The following GOSR2 variants were observed in gnomAD, a reference collection of about 807,000 sequenced individuals.
GOSR2 encodes the protein golgi SNAP receptor complex member 2, also known as 27 kDa Golgi SNARE protein.
In GOSR2, 20 loss-of-function variants were observed where a neutral mutation model predicts 27.9. That is an observed-to-expected ratio of 0.72 (90% confidence interval 0.50 to 1.04). The LOEUF is 1.04. Among genes scored for constraint, GOSR2 ranks in the 50% least tolerant of loss-of-function variants. The pLI is 0.00. For synonymous variants in GOSR2, 91 were observed against 98.8 expected (o/e 0.92, Z 0.47); for missense variants, 261 against 270.5 (o/e 0.97, Z 0.25).
chr17:46,935,243 A>C, intron 5 of GOSR2, 74 bp downstream of exon 5: 3 of 1,609,650 alleles, frequency 1.9e-6, no homozygotes, highest in Non-Finnish European at 2.5e-6. Context: ...AACTGTGTTT[A>C]TATTTTGATT....
At position 46,941,290 on chromosome 17, in the gene GOSR2, G is replaced by A. The variant is rs1311949629; in HGVS notation, c.*2530G>A. 5 of 985,602 alleles carry A rather than the reference G, an allele frequency of 5.1e-6. No individual in the cohort carries two copies. Among genetic ancestry groups the A allele is most frequent in the African/African-American group, 1.7e-5 (1 of 57,220 alleles). The allele number at this position is 985,602 out of a possible 1,614,324, so 61.1% of individuals were successfully genotyped here. On this transcript the variant is annotated 3_prime_UTR_variant, in exon 6 of 6. Transcript: ENST00000640051. The stretch of plus-strand genomic sequence containing the variant: ...TGATGAATTTGAATGGGTTTGATTT[G>A]CAAATTTGGATTTACACCCATTGTT...
In GOSR2 at chr17:46,923,232, G is replaced by A. The variant is rs2085954773; in HGVS notation, c.29+11G>A. 1 of 1,551,024 alleles carries A rather than the reference G, an allele frequency of 6.4e-7. No homozygotes were observed. Among genetic ancestry groups the A allele is most frequent in the Non-Finnish European group, 8.7e-7 (1 of 1,146,598 alleles). ...CCAGCAAACGCACAAGTGAGGGCCG[G>A]TCGGGGAGCGGGCAGGGGCTAGACG... On this transcript the variant is annotated intron_variant, in intron 1 of 5. Transcript: ENST00000640051.
chr17:46,928,708 T>G (rs1403552856), intron 1 of GOSR2, among the ~76,000 whole-genome samples: 1 of 152,150 alleles, frequency 6.6e-6, no homozygotes, highest in African/African-American at 2.4e-5. Flanking sequence ...TCTGAATGGT[T>G]TCCTCCAGTG....
At chr17:46,945,907 A>G (rs964231213), downstream of GOSR2, among the ~76,000 whole-genome samples, 3 of 152,168 alleles carry the variant, frequency 2.0e-5, no homozygotes, top group South Asian at 2.1e-4. Flanking sequence ...TATTGTTGCT[A>G]TGTGCATGGA....
At chr17:46,965,422 C>G (rs2091271735) in intron 6 of GOSR2, among the ~76,000 whole-genome samples, 1 of 152,200 alleles carries the variant, frequency 6.6e-6, no homozygotes, top group African/African-American at 2.4e-5. Flanking sequence ...CACCCCAGGG[C>G]TCCTGCTTCC....
At chr17:46,928,635 G>A (rs903413295) in intron 1 of GOSR2, among the ~76,000 whole-genome samples, 11 of 152,098 alleles carry the variant, frequency 7.2e-5, no homozygotes, top group African/African-American at 9.7e-5. Flanking sequence ...CAGTTCCTTC[G>A]TTCCTTGATA....
intron 6 of GOSR2, among the ~76,000 whole-genome samples, chr17:46,974,535 G>A (rs553479927): frequency 6.6e-6 from 1 of 152,088 alleles, no homozygotes; most frequent in African/African-American, 2.4e-5. Flanking sequence ...GAGATCGAGA[G>A]CATCCTGGCT....
At chr17:46,946,091 A>T (rs1057377629), downstream of GOSR2, among the ~76,000 whole-genome samples, 2 of 151,990 alleles carry the variant, frequency 1.3e-5, no homozygotes, top group African/African-American at 2.4e-5. Flanking sequence ...TCCTTAGGCC[A>T]CCTGGGAATC....
chr17:46,928,559 C>A (rs894655086), intron 1 of GOSR2, among the ~76,000 whole-genome samples: 1 of 152,096 alleles, frequency 6.6e-6, no homozygotes, highest in Non-Finnish European at 1.5e-5. Context: ...TTGGCCAGAC[C>A]GTGGGAAGCC....
At chr17:46,955,076 G>T (rs1172984724) in intron 6 of GOSR2, among the ~76,000 whole-genome samples, 2 of 152,130 alleles carry the variant, frequency 1.3e-5, no homozygotes, top group African/African-American at 4.8e-5. Flanking sequence ...GTGAGAGCGG[G>T]CATCCCTGTC....
At chr17:46,930,047 ATTTT>A (rs35194907) in intron 2 of GOSR2, 3 of 124,086 alleles carry the variant, frequency 2.4e-5, no homozygotes, top group Admixed American at 8.1e-5. Context: ...GTTTTTTTTC[ATTTT>A]TTTTTTTTTT....
At position 46,940,097 on chromosome 17, in the gene GOSR2, C is replaced by A; in HGVS notation, c.*1337C>A. On this transcript the variant is annotated 3_prime_UTR_variant, in exon 6 of 6. Transcript: ENST00000640051. ...AACTGTCTTCTGTCTTATTTCCCTT[C>A]CTTTCTGTGTTCCTCTTCACCTCTC... The A allele has an allele frequency of 8.7e-7, 1 of 1,151,184 alleles. No individual in the cohort carries two copies. The highest frequency in any genetic ancestry group is 1.1e-6 in the Non-Finnish European group (1 of 932,670). 71.3% of individuals were successfully genotyped at this position (1,151,184 alleles called of 1,614,324 possible).
At chr17:46,962,294 A>G (rs2091103784) in intron 6 of GOSR2, among the ~76,000 whole-genome samples, 2 of 150,660 alleles carry the variant, frequency 1.3e-5, no homozygotes, top group South Asian at 4.2e-4. Context: ...GCGCCACTGC[A>G]CTCCAACCTG....
downstream of GOSR2, among the ~76,000 whole-genome samples, chr17:46,968,033 C>T (rs1345741572): frequency 6.6e-6 from 1 of 152,072 alleles, no homozygotes; most frequent in African/African-American, 2.4e-5. Flanking sequence ...AGAATCAGGA[C>T]CCTGGGAAGA....
rs1284878321 is a variant in GOSR2 at position 46,958,665 on chromosome 17, C to T, written c.584-7869C>T. Reference sequence around the variant, plus strand: ...ATCAGGGCATCGCCCTCCCACCACTCCCTCTGATGGACAAGAGTTCTCCCT... The same window carrying T: ...ATCAGGGCATCGCCCTCCCACCACTTCCTCTGATGGACAAGAGTTCTCCCT... On this transcript the variant is annotated intron_variant, in intron 6 of 6. Transcript: ENST00000573224. Among the ~76,000 whole-genome samples, 6 of 152,366 alleles carry T rather than the reference C, an allele frequency of 3.9e-5. No homozygotes were observed. The East Asian group carries it at 1.2e-3, about 29-fold the overall frequency.
downstream of GOSR2, among the ~76,000 whole-genome samples, chr17:46,971,918 G>A (rs2091396539): frequency 6.6e-6 from 1 of 152,236 alleles, no homozygotes; most frequent in East Asian, 1.9e-4. Context: ...TTAGGAAGTA[G>A]AGAGAAAGGC....
rs368658743 is a variant in GOSR2 at position 46,932,176 on chromosome 17, C to T, written c.313C>T (p.Leu105=). 4.3e-6 allele frequency: 7 copies of T among 1,614,134 alleles called. No individual in the cohort carries two copies. The highest frequency in any genetic ancestry group is 5.9e-6 in the Non-Finnish European group (7 of 1,180,020). ...EQQERQREEL[L]SRTFTTNDSD... ...GCAGGAGAGACAGCGAGAAGAGCTT[C>T]TGTCTCGAACCTTCACCACTAACGT... The change falls in exon 4 of 6, where the codon CTG becomes TTG. Residue 105 remains leucine, a synonymous_variant. Coordinates refer to ENST00000640051, the MANE Select transcript of GOSR2 (RefSeq NM_004287.5).
chr17:46,949,656 C>T (rs144939048), intron 6 of GOSR2, among the ~76,000 whole-genome samples: 85 of 152,310 alleles, frequency 5.6e-4, no homozygotes, highest in African/African-American at 2.0e-3. Context: ...CACAAACCGT[C>T]ACACAGGTAC....
chr17:46,965,312 G>A (rs966966347), intron 6 of GOSR2, among the ~76,000 whole-genome samples: 2 of 152,144 alleles, frequency 1.3e-5, no homozygotes, highest in Non-Finnish European at 2.9e-5. Flanking sequence ...CATCCTCCCT[G>A]GTGCCCTGCT....
Sources: gnomAD v4.1 joint callset for allele counts (sites outside exome capture counted in the v4.1 genomes callset) on GRCh38, gnomAD v4.1.1 for gene constraint, MANE v1.5 for transcripts, NCBI Gene and HGNC (gene_info 2026-07-23, HGNC 2026-07-21) for gene names.